Variants in MED13L observed in about 807,000 individuals in gnomAD.
The protein encoded by MED13L is mediator of RNA polymerase II transcription subunit 13-like.
Under a neutral mutation model 220.9 loss-of-function variants are expected in MED13L, and 7 were observed. That is an observed-to-expected ratio of 0.03 (90% CI 0.02 to 0.06). The LOEUF (loss-of-function observed/expected upper bound fraction) is 0.06, where lower values mean the gene tolerates loss of function less well. Among genes scored for constraint, MED13L ranks in the 10% least tolerant of loss-of-function variants. The probability of loss-of-function intolerance (pLI) is 1.00; values close to 1 mark genes in which losing one functional copy is unlikely to be tolerated. For synonymous variants in MED13L, 1,011 were observed against 1,015.2 expected (o/e 1.00, Z 0.08); for missense variants, 1,965 against 2,760.5 (o/e 0.71, Z 6.46).
At position 116,070,470 on chromosome 12, in the gene MED13L, TG is replaced by T. The variant is rs139856436; in HGVS notation, c.479+26198del. ...AATCCTAAATTCTCTCTTTTACAGA[TG>T]AACTAAAACAGAGAGGTTAAATAAC... On this transcript the variant is annotated intron_variant, in intron 4 of 30. Coordinates refer to ENST00000281928, the MANE Select transcript of MED13L (RefSeq NM_015335.5). Among the ~76,000 whole-genome samples the T allele has an allele frequency of 7.5e-3, 1,147 of 152,306 alleles. 21 individuals are homozygous for T. Among genetic ancestry groups the T allele is most frequent in the African/African-American group, 0.026 (1,080 of 41,572 alleles).
intron 2 of MED13L, among the ~76,000 whole-genome samples, chr12:116,190,704 A>AAGTG (rs1367958143): frequency 6.6e-6 from 1 of 152,210 alleles, no homozygotes; most frequent in Non-Finnish European, 1.5e-5. Flanking sequence ...TGTGATGTAC[A>AAGTG]AGTACTTTTT....
At chr12:116,110,454 G>T (rs760352600) in intron 3 of MED13L, among the ~76,000 whole-genome samples, 1 of 152,044 alleles carries the variant, frequency 6.6e-6, no homozygotes, top group East Asian at 1.9e-4. Context: ...ATAAAAAGTA[G>T]AAAGAATGGT....
At chr12:116,138,287 G>GA in intron 2 of MED13L, among the ~76,000 whole-genome samples, 1 of 152,138 alleles carries the variant, frequency 6.6e-6, no homozygotes, top group East Asian at 1.9e-4. Context: ...AGACTTAGGA[G>GA]AAAAAAATTT....
chr12:116,275,472 T>C (rs2138609536), intron 1 of MED13L, among the ~76,000 whole-genome samples: 1 of 152,276 alleles, frequency 6.6e-6, no homozygotes, highest in East Asian at 1.9e-4. Context: ...TAGGTAAAAA[T>C]CACGTGTTGA....
intron 2 of MED13L, among the ~76,000 whole-genome samples, chr12:116,180,841 G>C: frequency 6.6e-6 from 1 of 151,874 alleles, no homozygotes; most frequent in Non-Finnish European, 1.5e-5. Flanking sequence ...GCTAGTCAAA[G>C]TTGTAACAGT....
At position 116,004,303 on chromosome 12, in the gene MED13L, T is replaced by G. The variant is rs375858887; in HGVS notation, c.2470-1201A>C. ...CAGGCAGCACTTGGCCTCCAGTGGA[T>G]AGTCAAATTCAATGCCTGGATCAGC... On this transcript the variant is annotated intron_variant, in intron 13 of 30. Transcript: ENST00000281928. Among the ~76,000 whole-genome samples the G allele has an allele frequency of 6.6e-5, 10 of 152,288 alleles. No homozygotes were observed. In the South Asian group the frequency reaches 1.2e-3, roughly 19 times the overall value.
intron 2 of MED13L, among the ~76,000 whole-genome samples, chr12:116,112,323 G>C (rs752993705): frequency 2.6e-5 from 4 of 152,180 alleles, no homozygotes; most frequent in Non-Finnish European, 5.9e-5. Flanking sequence ...AACATTTACA[G>C]AAGAAAATTT....
In MED13L at chr12:116,003,118, G is replaced by A. The variant is rs1468914195; in HGVS notation, c.2470-16C>T. 6 of 1,607,192 alleles carry A rather than the reference G, an allele frequency of 3.7e-6. No individual in the cohort carries two copies. In the Admixed American group the frequency reaches 8.3e-5, roughly 22 times the overall value. On this transcript the variant is annotated splice_polypyrimidine_tract_variant and intron_variant, in intron 13 of 30. Transcript: ENST00000281928. ...GTGATACAGCCTAAGAACAGACGGTGTTATTAAAACAGAGTGACGTGTATA... is the reference window on the plus strand; with the variant it reads ...GTGATACAGCCTAAGAACAGACGGTATTATTAAAACAGAGTGACGTGTATA...
intron 23 of MED13L, among the ~76,000 whole-genome samples, chr12:115,976,732 A>G (rs1876967250): frequency 6.6e-6 from 1 of 152,162 alleles, no homozygotes; most frequent in Non-Finnish European, 1.5e-5. Flanking sequence ...TAATTGTCAT[A>G]TTTTTTACAG....
intron 2 of MED13L, among the ~76,000 whole-genome samples, chr12:116,207,241 T>G (rs1426843428): frequency 6.6e-6 from 1 of 151,970 alleles, no homozygotes; most frequent in Non-Finnish European, 1.5e-5. Flanking sequence ...GCTCGAAAGA[T>G]TCTCCTGCCT....
chr12:116,124,846 T>C (rs1875439317), intron 2 of MED13L, among the ~76,000 whole-genome samples: 1 of 152,206 alleles, frequency 6.6e-6, no homozygotes, highest in Admixed American at 6.5e-5. Flanking sequence ...CAATCTTCTG[T>C]TGGTTTACAC....
chr12:115,995,900 C>T (rs1049947803), intron 16 of MED13L, among the ~76,000 whole-genome samples: 6 of 152,102 alleles, frequency 3.9e-5, no homozygotes, highest in African/African-American at 7.2e-5. Context: ...ATGTCCTGAA[C>T]GTGTATTACT....
Position 115,982,619 on chromosome 12 carries a change from CTTGTGAG to C in MED13L, c.4956-23_4956-17del. The C allele has an allele frequency of 1.3e-6, 2 of 1,586,934 alleles. No homozygotes were observed. The highest frequency in any genetic ancestry group is 1.7e-6 in the Non-Finnish European group (2 of 1,155,568). ...TTCTGTAACACTGGAGAGAGAGTCA[CTTGTGAG>C]ATGCACAAAATAAATATAAATTACA... On this transcript the variant is annotated splice_polypyrimidine_tract_variant and intron_variant, in intron 21 of 30. Transcript: ENST00000281928.
chr12:116,170,519 T>C (rs937189880), intron 2 of MED13L, among the ~76,000 whole-genome samples: 1 of 151,966 alleles, frequency 6.6e-6, no homozygotes, highest in Non-Finnish European at 1.5e-5. Flanking sequence ...GATTCATGTA[T>C]ACCTGCCATT....
intron 1 of MED13L, among the ~76,000 whole-genome samples, chr12:116,244,358 C>G (rs1206369006): frequency 6.6e-6 from 1 of 152,178 alleles, no homozygotes; most frequent in Non-Finnish European, 1.5e-5. Flanking sequence ...CTCTCCTAAA[C>G]CCCTGTAAGA....
At chr12:116,271,024 G>A (rs11067964) in intron 1 of MED13L, among the ~76,000 whole-genome samples, 2 of 118,568 alleles carry the variant, frequency 1.7e-5, no homozygotes, top group South Asian at 5.8e-4. Flanking sequence ...CCTGGTGACA[G>A]AGCGAGACTC....
intron 23 of MED13L, among the ~76,000 whole-genome samples, chr12:115,979,496 T>C (rs1877180256): frequency 6.6e-6 from 1 of 152,202 alleles, no homozygotes; most frequent in African/African-American, 2.4e-5. Context: ...AATAGAAATT[T>C]TATATAACAC....
At chr12:115,969,349 A>AT (rs1876414405) in intron 27 of MED13L, among the ~76,000 whole-genome samples, 1 of 152,210 alleles carries the variant, frequency 6.6e-6, no homozygotes, top group Non-Finnish European at 1.5e-5. Flanking sequence ...TATAACATAA[A>AT]AACCTACACT....
chr12:116,168,402 A>T (rs1264152587), intron 2 of MED13L, among the ~76,000 whole-genome samples: 1 of 152,004 alleles, frequency 6.6e-6, no homozygotes, highest in East Asian at 1.9e-4. Context: ...AACACTAGAT[A>T]ATAGAGAGAG....
Sources: gnomAD v4.1 joint callset for allele counts (sites outside exome capture counted in the v4.1 genomes callset) on GRCh38, gnomAD v4.1.1 for gene constraint, MANE v1.5 for transcripts, NCBI Gene and HGNC (gene_info 2026-07-23, HGNC 2026-07-21) for gene names.